OCIAD1: variants seen among roughly 807,000 people sequenced by gnomAD.
OCIAD1 encodes OCIA domain-containing protein 1.
Under a neutral mutation model 38.9 loss-of-function variants are expected in OCIAD1, and 29 were observed. The observed-to-expected ratio is 0.74, with a 90% confidence interval of 0.55 to 1.02. The LOEUF is 1.02. Among genes scored for constraint, OCIAD1 ranks in the 50% least tolerant of loss-of-function variants. The pLI is 0.00. For synonymous variants in OCIAD1, 110 were observed against 92.0 expected (o/e 1.20, Z -1.12); for missense variants, 288 against 289.6 (o/e 0.99, Z 0.04).
upstream of OCIAD1, among the ~76,000 whole-genome samples, chr4:48,829,097 T>C (rs1366437870): frequency 2.0e-5 from 3 of 152,096 alleles, no homozygotes; most frequent in Non-Finnish European, 2.9e-5. Context: ...CTGTCTCTTC[T>C]ACAAATAAAA....
At chr4:48,842,071 A>G (rs1778581515) in intron 3 of OCIAD1, among the ~76,000 whole-genome samples, 1 of 152,246 alleles carries the variant, frequency 6.6e-6, no homozygotes, top group Non-Finnish European at 1.5e-5. Context: ...GTAACCAACC[A>G]TTCAACTAGT....
In OCIAD1 at chr4:48,861,301, T is replaced by C. The variant is rs1465101497; in HGVS notation, c.*539T>C. ...TTTTATTGTTTGTAATTTATTGATTTATTTTTAAGCTAGTTATAATCATGT... is the reference window on the plus strand; with the variant it reads ...TTTTATTGTTTGTAATTTATTGATTCATTTTTAAGCTAGTTATAATCATGT... On this transcript the variant is annotated 3_prime_UTR_variant, in exon 9 of 9. Coordinates refer to ENST00000264312, the MANE Select transcript of OCIAD1 (RefSeq NM_017830.4). 1 of 152,438 alleles carries C rather than the reference T, an allele frequency of 6.6e-6. No individual in the cohort carries two copies. The highest frequency in any genetic ancestry group is 2.4e-5 in the African/African-American group (1 of 41,472). The allele number at this position is 152,438 out of a possible 1,614,324, so 9.4% of individuals were successfully genotyped here.
Position 48,810,592 on chromosome 4 carries a change from C to T in OCIAD1, c.-103+5262C>T, listed in dbSNP as rs1777077127. Among the ~76,000 whole-genome samples, 7 of 151,564 alleles carry T rather than the reference C, an allele frequency of 4.6e-5. 1 individual carries two copies. In the South Asian group the frequency reaches 1.5e-3, roughly 32 times the overall value. ...GCATATGATATATACTCACCAATGA[C>T]TACAATTTATTTATTTATTTAGTCT... On this transcript the variant is annotated intron_variant, in intron 1 of 6. Transcript: ENST00000504654.
In OCIAD1 at chr4:48,851,905, T is replaced by A. The variant is rs1779515339; in HGVS notation, c.477T>A (p.Tyr159Ter). 2 of 1,611,672 alleles carry A rather than the reference T, an allele frequency of 1.2e-6. No individual in the cohort carries two copies. The highest frequency in any genetic ancestry group is 1.7e-5 in the Admixed American group (1 of 59,998). The change falls in exon 7 of 9, where the codon TAT (tyrosine) becomes TAA (stop). Residue 159 changes from tyrosine to a stop codon, truncating the protein, a stop_gained. Coordinates refer to ENST00000264312, the MANE Select transcript of OCIAD1 (RefSeq NM_017830.4). LOFTEE classifies it high-confidence loss of function. ...AADNIEMLPH[Y>*]EPIPFSSSMN... is the part of the protein sequence containing the mutation. ...ACAACATAGAAATGCTTCCTCATTATGAGCCAATTCCATTCAGTTCTTCTA... is the reference window on the plus strand; with the variant it reads ...ACAACATAGAAATGCTTCCTCATTAAGAGCCAATTCCATTCAGTTCTTCTA...
intron 1 of OCIAD1, among the ~76,000 whole-genome samples, chr4:48,832,319 A>G (rs1320596590): frequency 6.6e-6 from 1 of 152,216 alleles, no homozygotes; most frequent in Non-Finnish European, 1.5e-5. Flanking sequence ...CAGGAGGAAA[A>G]AATATGTCTG....
At chr4:48,854,011 A>C (rs753926624) in intron 7 of OCIAD1, among the ~76,000 whole-genome samples, 1 of 152,072 alleles carries the variant, frequency 6.6e-6, no homozygotes, top group Non-Finnish European at 1.5e-5. Context: ...GAAGGAAGGG[A>C]ATGGGCAGAT....
At chr4:48,829,622 C>G (rs559134079), upstream of OCIAD1, among the ~76,000 whole-genome samples, 5 of 152,214 alleles carry the variant, frequency 3.3e-5, no homozygotes, top group Non-Finnish European at 5.9e-5. Context: ...GAATGCCTCT[C>G]TGATGTGGTG....
intron 3 of OCIAD1, among the ~76,000 whole-genome samples, chr4:48,834,850 T>G (rs1177770503): frequency 6.6e-6 from 1 of 152,246 alleles, no homozygotes; most frequent in Non-Finnish European, 1.5e-5. Context: ...GCCTGATATG[T>G]ATGCTTAAAA....
At position 48,860,760 on chromosome 4, in the gene OCIAD1, T is replaced by G. The variant is rs1336042556; in HGVS notation, c.736T>G (p.Ter246GlyextTer20). The G allele has an allele frequency of 6.2e-7, 1 of 1,604,238 alleles. No individual in the cohort carries two copies. Among genetic ancestry groups the G allele is most frequent in the South Asian group, 1.1e-5 (1 of 90,378 alleles). ...CAAGTATGGAGATACTTGGGATGAGTGAAAAATTACATCATTGGACATGAA... is the reference window on the plus strand; with the variant it reads ...CAAGTATGGAGATACTTGGGATGAGGGAAAAATTACATCATTGGACATGAA... ...VNKYGDTWDE* is the reference protein window; with the variant it reads ...VNKYGDTWDEG Residue 246 changes from the stop codon to glycine, a stop_lost, in exon 9 of 9, where the codon TGA becomes GGA. Coordinates refer to ENST00000264312, the MANE Select transcript of OCIAD1 (RefSeq NM_017830.4).
chr4:48,810,886 CTTTCTTTCTTT>C (rs747151502), intron 1 of OCIAD1, among the ~76,000 whole-genome samples: 1 of 44,302 alleles, frequency 2.3e-5, no homozygotes, highest in African/African-American at 8.4e-5. Flanking sequence ...TTTTTTCTTT[CTTTCTTTCTTT>C]TTTTTTTTTT....
intron 1 of OCIAD1, 52 bp from the exon 2 acceptor site, chr4:48,832,568 G>T: frequency 7.5e-7 from 1 of 1,331,818 alleles, no homozygotes; most frequent in South Asian, 1.2e-5. Context: ...GATTTACTTT[G>T]ACCTATCTAG....
chr4:48,845,314 T>C lies in OCIAD1; in HGVS notation c.193+2625T>C, dbSNP rs1472694345. Among the ~76,000 whole-genome samples the C allele has an allele frequency of 2.6e-5, 4 of 152,342 alleles. No individual in the cohort carries two copies. In the East Asian group the frequency reaches 7.7e-4, roughly 29 times the overall value. On this transcript the variant is annotated intron_variant, in intron 4 of 8. Coordinates refer to ENST00000264312, the MANE Select transcript of OCIAD1 (RefSeq NM_017830.4). Reference sequence around the variant, plus strand: ...TATGTTCTACCATTTATTGGAACTTTTCAAAAGTTCAAAAACAAACTTTTC... The same window carrying C: ...TATGTTCTACCATTTATTGGAACTTCTCAAAAGTTCAAAAACAAACTTTTC...
intron 1 of OCIAD1, 50 bp from the exon 2 acceptor site, chr4:48,832,570 C>T: frequency 7.4e-7 from 1 of 1,348,584 alleles, no homozygotes; most frequent in Non-Finnish European, 1.1e-6. Flanking sequence ...TTTACTTTGA[C>T]CTATCTAGTG....
At chr4:48,818,350 A>G (rs1303897646) in intron 1 of OCIAD1, among the ~76,000 whole-genome samples, 2 of 152,208 alleles carry the variant, frequency 1.3e-5, no homozygotes, top group Admixed American at 1.3e-4. Flanking sequence ...TAGAAGAAAA[A>G]CTAACGAACA....
intron 7 of OCIAD1, among the ~76,000 whole-genome samples, chr4:48,855,594 G>GA (rs1251211139): frequency 6.6e-6 from 1 of 152,108 alleles, no homozygotes; most frequent in Non-Finnish European, 1.5e-5. Context: ...GAGGCGGGTG[G>GA]ATCACCTGAG....
At chr4:48,839,281 C>T (rs1042305752) in intron 3 of OCIAD1, among the ~76,000 whole-genome samples, 1 of 151,982 alleles carries the variant, frequency 6.6e-6, no homozygotes, top group Non-Finnish European at 1.5e-5. Flanking sequence ...ACTAAAAATA[C>T]AAAAATTAGC....
intron 3 of OCIAD1, among the ~76,000 whole-genome samples, chr4:48,838,586 T>C (rs1579065173): frequency 6.6e-6 from 1 of 152,260 alleles, no homozygotes; most frequent in East Asian, 1.9e-4. Flanking sequence ...TAGGAAATTT[T>C]GTACTTTAAC....
rs1321642654 is a variant in OCIAD1, at chr4:48,851,803, C to T, written c.378-3C>T. The T allele has an allele frequency of 1.3e-6, 2 of 1,559,982 alleles. No homozygotes were observed. The highest frequency in any genetic ancestry group is 1.1e-5 in the South Asian group (1 of 89,546). On this transcript the variant is annotated splice_region_variant and splice_polypyrimidine_tract_variant and intron_variant, in intron 6 of 8. Transcript: ENST00000264312. ...CTTACTACAATATGATTTTCATTTA[C>T]AGGCACTATTATCAAAAGTCAAAAT...
At chr4:48,820,419 T>G (rs1777183621) in intron 1 of OCIAD1, among the ~76,000 whole-genome samples, 1 of 152,212 alleles carries the variant, frequency 6.6e-6, no homozygotes, top group African/African-American at 2.4e-5. Flanking sequence ...GAGGAAAATT[T>G]ATAGCACTTA....
Sources: allele counts gnomAD v4.1 joint callset (sites outside exome capture counted in the v4.1 genomes callset), GRCh38; gene constraint gnomAD v4.1.1; transcripts MANE v1.5; gene names NCBI Gene and HGNC (gene_info 2026-07-23, HGNC 2026-07-21).